The following SLC2A1 variants were observed in gnomAD, a reference collection of about 807,000 sequenced individuals.
SLC2A1 encodes the protein solute carrier family 2, facilitated glucose transporter member 1.
SLC2A1 carries 4 observed loss-of-function variants against 46.6 expected under a neutral mutation model. The ratio of observed to expected loss-of-function variants is 0.09; its 90% confidence interval spans 0.04 to 0.20. SLC2A1 has a LOEUF of 0.20. SLC2A1 is among the 10% of genes least tolerant of loss of function. SLC2A1 has a pLI of 1.00. For synonymous variants in SLC2A1, 253 were observed against 270.0 expected (o/e 0.94, Z 0.62); for missense variants, 352 against 667.0 (o/e 0.53, Z 5.20).
At chr1:42,951,217 G>A (rs2124470059) in intron 1 of SLC2A1, among the ~76,000 whole-genome samples, 1 of 152,308 alleles carries the variant, frequency 6.6e-6, no homozygotes, top group Admixed American at 6.5e-5. Flanking sequence ...GTATGAAGAA[G>A]GTGATGGGGC....
intron 1 of SLC2A1, among the ~76,000 whole-genome samples, chr1:42,945,526 C>T (rs1236136367): frequency 6.6e-6 from 1 of 151,944 alleles, no homozygotes; most frequent in Non-Finnish European, 1.5e-5. Context: ...TCTATAATCT[C>T]AGCTTGAGGC....
chr1:42,930,016 A>G lies in SLC2A1; in HGVS notation c.536T>C (p.Ile179Thr). ...LIAQVFGLDS[I>T]MGNKDLWPLL... ...GGGCCACAGGTCCTTGTTGCCCATG[A>G]TGGAGTCCAGGCCGAACACCTGGGG... The change falls in exon 5 of 10, where the codon ATC (isoleucine) becomes ACC (threonine). Residue 179 changes from isoleucine (I) to threonine (T), a missense_variant. This residue lies in a region of SLC2A1 where 167 missense variants were observed against 280.8 expected (regional missense o/e 0.59). Coordinates refer to ENST00000426263, the MANE Select transcript of SLC2A1 (RefSeq NM_006516.4). This position sits in a 1 kb window ranked among gnomAD's most constrained non-coding sequence, Gnocchi z 6.2. 6.2e-7 allele frequency: 1 copy of G among 1,614,106 alleles called. No homozygotes were observed.
chr1:42,930,611 C>T lies in SLC2A1; in HGVS notation c.516+15G>A. 3.7e-6 allele frequency: 6 copies of T among 1,612,106 alleles called. No individual in the cohort carries two copies. Among genetic ancestry groups the T allele is most frequent in the Non-Finnish European group, 5.1e-6 (6 of 1,179,246 alleles). ...CAGGGGCCGTGCCAGGCAGGTAGAT[C>T]CTGCCCCAGCTTACCTGGGCGATGA... is the stretch of plus-strand genomic sequence containing the variant. On this transcript the variant is annotated intron_variant, in intron 4 of 9. Transcript: ENST00000426263. This position sits in a 1 kb window ranked among gnomAD's most constrained non-coding sequence, Gnocchi z 6.2.
intron 1 of SLC2A1, among the ~76,000 whole-genome samples, chr1:42,943,822 G>A (rs2124462468): frequency 6.6e-6 from 1 of 152,328 alleles, no homozygotes. Context: ...AATTCCAGCA[G>A]GCTAAGTCCC....
intron 2 of SLC2A1, among the ~76,000 whole-genome samples, chr1:42,936,243 G>A (rs1200287161): frequency 6.6e-6 from 1 of 152,172 alleles, no homozygotes; most frequent in East Asian, 1.9e-4. Flanking sequence ...GGGAAGAAGG[G>A]GCTAAACTGC....
intron 2 of SLC2A1, among the ~76,000 whole-genome samples, chr1:42,940,984 T>A (rs1465865887): frequency 6.6e-6 from 1 of 152,166 alleles, no homozygotes; most frequent in Non-Finnish European, 1.5e-5. Context: ...ACATCACCCA[T>A]GCCAGAAACC....
chr1:42,954,395 C>T lies in SLC2A1; in HGVS notation c.18+4239G>A, dbSNP rs1643753196. ...AAAAAATTAGCCGGGCATGGTGGCA[C>T]ATGCCTGTAATCCCAGCTACTCGGG... On this transcript the variant is annotated intron_variant, in intron 1 of 9. Transcript: ENST00000426263. The surrounding 1 kb of genome is among the most constrained non-coding windows in gnomAD (Gnocchi z 4.2). Among the ~76,000 whole-genome samples the T allele has an allele frequency of 6.6e-6, 1 of 152,116 alleles. No homozygotes were observed. Among genetic ancestry groups the T allele is most frequent in the Non-Finnish European group, 1.5e-5 (1 of 68,030 alleles).
chr1:42,957,730 A>G (rs1643790826), intron 1 of SLC2A1, among the ~76,000 whole-genome samples: 1 of 152,314 alleles, frequency 6.6e-6, no homozygotes, highest in African/African-American at 2.4e-5. Flanking sequence ...CCACTTACAC[A>G]GAAAAAAAGA....
intron 1 of SLC2A1, among the ~76,000 whole-genome samples, chr1:42,955,756 G>C (rs1643765524): frequency 6.6e-6 from 1 of 152,198 alleles, no homozygotes; most frequent in Non-Finnish European, 1.5e-5. Context: ...TTCACGAAGG[G>C]TGGGGTGAGA....
At chr1:42,950,369 CCT>C (rs1643707518) in intron 1 of SLC2A1, among the ~76,000 whole-genome samples, 1 of 152,218 alleles carries the variant, frequency 6.6e-6, no homozygotes, top group African/African-American at 2.4e-5. Flanking sequence ...CCCCACGTCC[CCT>C]GAGCTAGCTG....
rs1643750357 is a variant in SLC2A1, at chr1:42,954,095, C to T, written c.18+4539G>A. ...CCATTCACAGTAGAGTTTCAGTTGTCAAGTTACGTCTAATCCAACTTTCAG... is the reference window on the plus strand; with the variant it reads ...CCATTCACAGTAGAGTTTCAGTTGTTAAGTTACGTCTAATCCAACTTTCAG... On this transcript the variant is annotated intron_variant, in intron 1 of 9. Coordinates refer to ENST00000426263, the MANE Select transcript of SLC2A1 (RefSeq NM_006516.4). The surrounding 1 kb of genome is among the most constrained non-coding windows in gnomAD (Gnocchi z 4.2). Among the ~76,000 whole-genome samples the T allele has an allele frequency of 6.6e-6, 1 of 152,114 alleles. No individual in the cohort carries two copies. Among genetic ancestry groups the T allele is most frequent in the African/African-American group, 2.4e-5 (1 of 41,418 alleles).
chr1:42,939,867 C>G (rs951174345), intron 2 of SLC2A1, among the ~76,000 whole-genome samples: 1 of 150,794 alleles, frequency 6.6e-6, no homozygotes, highest in Non-Finnish European at 1.5e-5. Context: ...GCACGAGAAC[C>G]ACTTGAACCC....
At chr1:42,951,887 T>C in intron 1 of SLC2A1, 1 of 401,222 alleles carries the variant, frequency 2.5e-6, no homozygotes, top group Non-Finnish European at 4.4e-6. Context: ...GATGGAGGGC[T>C]GCCCCACAGA....
chr1:42,951,841 T>C (rs1643724355), intron 1 of SLC2A1: 1 of 400,082 alleles, frequency 2.5e-6, no homozygotes, highest in Non-Finnish European at 4.4e-6. Context: ...AACCCCACAA[T>C]GCAACACTGT....
At chr1:42,951,660 C>CTTTT (rs1570606601) in intron 1 of SLC2A1, 6 of 395,436 alleles carry the variant, frequency 1.5e-5, no homozygotes, top group Non-Finnish European at 2.2e-5. Context: ...GGCTCTGTAA[C>CTTTT]TTCTGAAGCT....
At chr1:42,947,581 C>CAAAAAA (rs144784155) in intron 1 of SLC2A1, among the ~76,000 whole-genome samples, 5 of 55,826 alleles carry the variant, frequency 9.0e-5, no homozygotes, top group Non-Finnish European at 1.5e-4. Flanking sequence ...CACACACACA[C>CAAAAAA]AAAAAAAAAA....
chr1:42,941,864 G>A (rs769132058), intron 2 of SLC2A1, among the ~76,000 whole-genome samples: 146 of 152,348 alleles, frequency 9.6e-4, no homozygotes, highest in African/African-American at 3.4e-3. Context: ...CCAAGCATGG[G>A]CCCACGGTCT....
Position 42,943,314 on chromosome 1 carries a change from G to A in SLC2A1, c.26C>T (p.Thr9Met), listed in dbSNP as rs1570601100. Reference sequence around the variant, plus strand: ...TCCCACGGCCAGCATGAGGCGACCCGTCAGCTTCTGCGGAGAAACAAACCA... The same window carrying A: ...TCCCACGGCCAGCATGAGGCGACCCATCAGCTTCTGCGGAGAAACAAACCA... MEPSSKKL[T>M]GRLMLAVGGA... The change falls in exon 2 of 10, where the codon ACG becomes ATG. Residue 9 changes from threonine to methionine, a missense_variant. Physicochemically the swap from Thr to Met is moderately conservative, Grantham distance 81. This residue lies in a region of SLC2A1 where 97 missense variants were observed against 175.6 expected (regional missense o/e 0.55). Coordinates refer to ENST00000426263, the MANE Select transcript of SLC2A1 (RefSeq NM_006516.4). 6.2e-7 allele frequency: 1 copy of A among 1,613,046 alleles called. No individual in the cohort carries two copies. The highest frequency in any genetic ancestry group is 1.1e-5 in the South Asian group (1 of 90,940).
In SLC2A1 at chr1:42,927,462, A is replaced by G; in HGVS notation, c.1278+143T>C. The G allele has an allele frequency of 3.4e-6, 3 of 890,522 alleles. No individual in the cohort carries two copies. Among genetic ancestry groups the G allele is most frequent in the East Asian group, 2.6e-5 (1 of 37,928 alleles). 55.2% of individuals were successfully genotyped at this position (890,522 alleles called of 1,614,324 possible). On this transcript the variant is annotated intron_variant, in intron 9 of 9. Transcript: ENST00000426263. This position sits in a 1 kb window ranked among gnomAD's most constrained non-coding sequence, Gnocchi z 5.3. ...AGGGGAGAACCCTGGAGTTGAGGTC[A>G]GCATTCTTGGTCATGTGACCTGGGC...
Sources: gnomAD v4.1 joint callset for allele counts (sites outside exome capture counted in the v4.1 genomes callset) on GRCh38, gnomAD v4.1.1 for gene constraint, gnomAD v4.1.1 regional missense constraint, Gnocchi (gnomAD v3.1) non-coding constraint, MANE v1.5 for transcripts, NCBI Gene and HGNC (gene_info 2026-07-23, HGNC 2026-07-21) for gene names.